The following KLF12 variants were observed in gnomAD, a reference collection of about 807,000 sequenced individuals.
KLF12 encodes Krueppel-like factor 12.
KLF12 carries 9 observed loss-of-function variants against 37.8 expected under a neutral mutation model. The ratio of observed to expected loss-of-function variants is 0.24; its 90% CI spans 0.14 to 0.42. KLF12 has a LOEUF of 0.42. Ranked by LOEUF, KLF12 falls within the 10% of genes least tolerant of loss-of-function variation. The probability of loss-of-function intolerance (pLI) is 1.00; values close to 1 mark genes in which losing one functional copy is unlikely to be tolerated. For synonymous variants in KLF12, 208 were observed against 202.1 expected (o/e 1.03, Z -0.25); for missense variants, 411 against 516.0 (o/e 0.80, Z 1.97).
In KLF12 at chr13:74,039,397, T is replaced by C. The variant is rs191740085; in HGVS notation, c.-31-44344A>G. ...CCAAAAGAAAAAATAGCCAGGCAAGTTGGCATATGCCCGTAGTCCCAGCTA... is the reference window on the plus strand; with the variant it reads ...CCAAAAGAAAAAATAGCCAGGCAAGCTGGCATATGCCCGTAGTCCCAGCTA... On this transcript the variant is annotated intron_variant, in intron 1 of 7. Transcript: ENST00000377669. Among the ~76,000 whole-genome samples, 120 of 150,162 alleles carry C rather than the reference T, an allele frequency of 8.0e-4. 3 individuals carry two copies. The highest frequency in any genetic ancestry group is 6.5e-3 in the Admixed American group (99 of 15,192).
chr13:73,791,876 C>T (rs769251810), intron 5 of KLF12, among the ~76,000 whole-genome samples: 5 of 152,174 alleles, frequency 3.3e-5, no homozygotes, highest in South Asian at 2.1e-4. Flanking sequence ...TCTAGTTCAT[C>T]GGCATCATGC....
At chr13:73,772,245 C>T (rs1880316927) in intron 5 of KLF12, among the ~76,000 whole-genome samples, 1 of 152,182 alleles carries the variant, frequency 6.6e-6, no homozygotes, top group Non-Finnish European at 1.5e-5. Flanking sequence ...AGGCACTGTT[C>T]TAAGTTCTTA....
In KLF12 at chr13:73,777,633, G is replaced by A. The variant is rs553303194; in HGVS notation, c.807-12633C>T. The stretch of plus-strand genomic sequence containing the variant: ...TGAGGCAGGAGAATCGCTTGAACCC[G>A]GTAGGCAGAGGTTGCGGTGAGCCAA... On this transcript the variant is annotated intron_variant, in intron 5 of 7. Coordinates refer to ENST00000377669, the MANE Select transcript of KLF12 (RefSeq NM_007249.5). Among the ~76,000 whole-genome samples, 365 of 151,952 alleles carry A rather than the reference G, an allele frequency of 2.4e-3. 3 individuals carry two copies. Among genetic ancestry groups the A allele is most frequent in the Non-Finnish European group, 6.0e-4 (41 of 67,974 alleles).
chr13:74,145,533 CTCTA>C, the KLF12 span, among the ~76,000 whole-genome samples: 1 of 152,242 alleles, frequency 6.6e-6, no homozygotes, highest in East Asian at 1.9e-4. Flanking sequence ...CCATGCGTAA[CTCTA>C]TCTCTTTTTG....
chr13:73,906,128 AT>A (rs1176775231), intron 3 of KLF12, among the ~76,000 whole-genome samples: 1 of 152,100 alleles, frequency 6.6e-6, no homozygotes, highest in Non-Finnish European at 1.5e-5. Context: ...ACCAACTCCA[AT>A]TTTTTTAGTC....
chr13:74,168,987 G>A, the KLF12 span, among the ~76,000 whole-genome samples: 1 of 152,178 alleles, frequency 6.6e-6, no homozygotes, highest in Non-Finnish European at 1.5e-5. Context: ...CAAACCAGCC[G>A]TGGCTGGAGA....
intron 1 of KLF12, among the ~76,000 whole-genome samples, chr13:74,047,786 A>C (rs928898906): frequency 3.3e-5 from 5 of 152,210 alleles, no homozygotes; most frequent in Non-Finnish European, 1.5e-5. Flanking sequence ...ACACGGCTTC[A>C]CCTCTTACGT....
chr13:74,249,015 G>A, the KLF12 span, among the ~76,000 whole-genome samples: 1 of 151,992 alleles, frequency 6.6e-6, no homozygotes, highest in African/African-American at 2.4e-5. Flanking sequence ...TTGGAAAGAT[G>A]GGAAGTAAGG....
At chr13:74,181,148 G>A in the KLF12 span, among the ~76,000 whole-genome samples, 3,639 of 151,610 alleles carry the variant, frequency 0.024, 149 homozygotes, top group African/African-American at 0.081. Flanking sequence ...ACAGGCATGC[G>A]CCACCATGCC....
At chr13:73,782,993 CCTCTTA>C (rs1462503825) in intron 5 of KLF12, among the ~76,000 whole-genome samples, 1 of 152,154 alleles carries the variant, frequency 6.6e-6, no homozygotes, top group African/African-American at 2.4e-5. Context: ...AAATTCCCAT[CCTCTTA>C]CATATGTATC....
chr13:73,977,551 G>A (rs1425778701), intron 2 of KLF12, among the ~76,000 whole-genome samples: 1 of 152,140 alleles, frequency 6.6e-6, no homozygotes, highest in East Asian at 1.9e-4. Context: ...AAAATGAATA[G>A]GATTGAATGA....
chr13:73,847,131 C>G (rs1003208908), intron 3 of KLF12, among the ~76,000 whole-genome samples: 1 of 152,066 alleles, frequency 6.6e-6, no homozygotes, highest in Non-Finnish European at 1.5e-5. Flanking sequence ...CTATTATTTG[C>G]ATGAATATAA....
intron 4 of KLF12, among the ~76,000 whole-genome samples, chr13:73,829,008 C>A (rs1328312281): frequency 6.6e-6 from 1 of 152,066 alleles, no homozygotes; most frequent in African/African-American, 2.4e-5. Context: ...ACCTCACCGC[C>A]ACCCAACACC....
chr13:74,103,373 ATG>A (rs1383064045), intron 1 of KLF12, among the ~76,000 whole-genome samples: 1 of 152,210 alleles, frequency 6.6e-6, no homozygotes, highest in African/African-American at 2.4e-5. Flanking sequence ...ATCTTCAAAA[ATG>A]TGTGTGTTCA....
At chr13:74,129,500 A>T (rs901358427) in intron 1 of KLF12, among the ~76,000 whole-genome samples, 1 of 152,196 alleles carries the variant, frequency 6.6e-6, no homozygotes, top group Non-Finnish European at 1.5e-5. Context: ...AGTGGTGGGG[A>T]AACTATCCCA....
intron 1 of KLF12, among the ~76,000 whole-genome samples, chr13:74,051,555 T>C (rs1394015334): frequency 6.6e-6 from 1 of 152,050 alleles, no homozygotes; most frequent in Non-Finnish European, 1.5e-5. Context: ...GTGTCTTGTC[T>C]TCCTGGTACT....
intron 1 of KLF12, among the ~76,000 whole-genome samples, chr13:74,098,667 G>C (rs1413909034): frequency 6.6e-6 from 1 of 152,166 alleles, no homozygotes; most frequent in African/African-American, 2.4e-5. Context: ...AAGCAGGAAT[G>C]CATACTTCCC....
the KLF12 span, among the ~76,000 whole-genome samples, chr13:74,270,915 T>C: frequency 4.6e-5 from 7 of 152,068 alleles, no homozygotes; most frequent in African/African-American, 1.7e-4. Flanking sequence ...TAAATTCTCT[T>C]TTTGCTTAGG....
chr13:73,762,091 C>A lies in KLF12; in HGVS notation c.869+2847G>T, dbSNP rs550588846. 1.1e-4 allele frequency among the ~76,000 whole-genome samples: 17 copies of A among 152,252 alleles called. No individual in the cohort carries two copies. The South Asian group carries it at 3.5e-3, about 32-fold the overall frequency. ...TATTTGTTATTGGGGTGCTAATATA[C>A]CCGCAAGAAGTTCTTATTGCCATTC... On this transcript the variant is annotated intron_variant, in intron 6 of 7. Transcript: ENST00000377669.
Sources: allele counts gnomAD v4.1 joint callset (sites outside exome capture counted in the v4.1 genomes callset), GRCh38; gene constraint gnomAD v4.1.1; transcripts MANE v1.5; gene names NCBI Gene and HGNC (gene_info 2026-07-23, HGNC 2026-07-21).